Variants in CIT observed in about 807,000 individuals in gnomAD.
CIT encodes the protein citron Rho-interacting kinase.
A neutral mutation model predicts 272.7 loss-of-function variants in CIT; 79 were observed. That is an observed-to-expected ratio of 0.29 (90% confidence interval 0.24 to 0.35). The LOEUF is 0.35. CIT is among the 10% of genes least tolerant of loss of function. CIT has a pLI of 1.00. For synonymous variants in CIT, 948 were observed against 995.6 expected (o/e 0.95, Z 0.90); for missense variants, 1,909 against 2,618.3 (o/e 0.73, Z 5.91).
rs933122959 is a variant in CIT at position 119,770,143 on chromosome 12, T to C, written c.2208+642A>G. Among the ~76,000 whole-genome samples, 8 of 152,092 alleles carry C rather than the reference T, an allele frequency of 5.3e-5. No homozygotes were observed. Among genetic ancestry groups the C allele is most frequent in the Non-Finnish European group, 1.2e-4 (8 of 68,026 alleles). ...CTGGCAGGGGCAAAACGTCAACACA[T>C]CTGCAAATACCACCCGAACCTTCCT... On this transcript the variant is annotated intron_variant, in intron 18 of 47. Transcript: ENST00000392521. This position sits in a 1 kb window ranked among gnomAD's most constrained non-coding sequence, Gnocchi z 4.4.
intron 3 of CIT, among the ~76,000 whole-genome samples, chr12:119,863,091 A>T (rs930982069): frequency 1.3e-5 from 2 of 149,490 alleles, no homozygotes; most frequent in African/African-American, 4.9e-5. Flanking sequence ...AGTCCCAGCT[A>T]CTCAGGAGGC....
intron 26 of CIT, among the ~76,000 whole-genome samples, chr12:119,731,813 A>AATATATCTATATATAT (rs1958461948): frequency 7.2e-6 from 1 of 139,130 alleles, no homozygotes; most frequent in African/African-American, 2.8e-5. Context: ...TTCTCTCCTA[A>AATATATCTATATATAT]ATATATATAT....
chr12:119,722,486 C>T (rs1473727750), intron 28 of CIT, among the ~76,000 whole-genome samples: 1 of 152,180 alleles, frequency 6.6e-6, no homozygotes, highest in African/African-American at 2.4e-5. Context: ...CTTTGCTTCT[C>T]TCTACCTCTG....
rs1435702716 is a variant in CIT at position 119,850,174 on chromosome 12, C to T, written c.516G>A (p.Leu172=). Residue 172 remains leucine (L), a splice_region_variant and synonymous_variant, in exon 5 of 48, where the codon CTG becomes CTA. Transcript: ENST00000392521. ...YAFQDKNHLY[L]VMEYQPGGDL... is the part of the protein sequence containing the mutation. ...CAGAGAGACAGATGTAAAGACTCAC[C>T]AGATAAAGGTGATTTTTGTCCTGAA... The T allele has an allele frequency of 6.3e-7, 1 of 1,579,730 alleles. No homozygotes were observed. The highest frequency in any genetic ancestry group is 8.7e-7 in the Non-Finnish European group (1 of 1,149,050).
At chr12:119,851,761 G>C (rs1477675350) in intron 4 of CIT, among the ~76,000 whole-genome samples, 5 of 152,222 alleles carry the variant, frequency 3.3e-5, no homozygotes, top group African/African-American at 1.2e-4. Flanking sequence ...AGGAGGCTGG[G>C]TGCAGTGGCT....
intron 19 of CIT, among the ~76,000 whole-genome samples, chr12:119,762,127 G>A (rs1961880876): frequency 6.6e-6 from 1 of 152,306 alleles, no homozygotes; most frequent in Non-Finnish European, 1.5e-5. Context: ...TGAAAGGACT[G>A]TCACAGCTCA....
At chr12:119,858,059 G>A (rs1222695101) in intron 3 of CIT, among the ~76,000 whole-genome samples, 1 of 152,200 alleles carries the variant, frequency 6.6e-6, no homozygotes, top group Non-Finnish European at 1.5e-5. Context: ...GGTTTACAGT[G>A]TGACATAGTC....
chr12:119,719,902 C>T (rs1957738863), intron 30 of CIT, among the ~76,000 whole-genome samples: 2 of 152,128 alleles, frequency 1.3e-5, no homozygotes, highest in Admixed American at 6.5e-5. Context: ...ATAACCCTGC[C>T]CCTAGTTTGT....
chr12:119,868,776 G>A (rs1308398353), intron 3 of CIT, among the ~76,000 whole-genome samples: 2 of 152,156 alleles, frequency 1.3e-5, no homozygotes, highest in East Asian at 1.9e-4. Context: ...GGGCTCAAGC[G>A]ATTCACCCAC....
chr12:119,752,347 C>T, intron 22 of CIT, 100 bp from the exon 23 acceptor site: 3 of 1,170,506 alleles, frequency 2.6e-6, no homozygotes, highest in Non-Finnish European at 3.5e-6. Flanking sequence ...GCAGCTGAAA[C>T]CTGGTCTTGG....
At chr12:119,787,465 C>T (rs1964896601) in intron 10 of CIT, among the ~76,000 whole-genome samples, 1 of 151,050 alleles carries the variant, frequency 6.6e-6, no homozygotes, top group East Asian at 1.9e-4. Flanking sequence ...GGCGCGGTGG[C>T]TGATGCCTGT....
intron 19 of CIT, among the ~76,000 whole-genome samples, chr12:119,761,678 T>C (rs953332338): frequency 1.3e-5 from 2 of 151,730 alleles, no homozygotes; most frequent in African/African-American, 4.8e-5. Flanking sequence ...AAGAAAAAAA[T>C]GCCTCTTTCC....
chr12:119,756,451 C>T (rs1303393476), intron 22 of CIT, among the ~76,000 whole-genome samples: 2 of 152,138 alleles, frequency 1.3e-5, no homozygotes, highest in East Asian at 1.9e-4. Flanking sequence ...ATAAAGGATT[C>T]GGTCTGTGGC....
chr12:119,844,393 T>A (rs1394080297), intron 5 of CIT, among the ~76,000 whole-genome samples: 1 of 152,108 alleles, frequency 6.6e-6, no homozygotes, highest in Admixed American at 6.6e-5. Flanking sequence ...AACACACTCA[T>A]AATTTTATAG....
rs1044407307 is a variant in CIT, at chr12:119,784,259, C to A, written c.1402-208G>T. ...TCACCAAATGCTAAGTCACTCCTCT[C>A]ATTCAAGTCCCGGTTCACACTTGAT... is the stretch of plus-strand genomic sequence containing the variant. On this transcript the variant is annotated intron_variant, in intron 11 of 47. Transcript: ENST00000392521. This position sits in a 1 kb window ranked among gnomAD's most constrained non-coding sequence, Gnocchi z 4.7. The A allele has an allele frequency of 6.3e-7, 1 of 1,581,282 alleles. No homozygotes were observed. The highest frequency in any genetic ancestry group is 8.6e-7 in the Non-Finnish European group (1 of 1,160,236).
In CIT at chr12:119,761,465, G is replaced by A. The variant is rs79359482; in HGVS notation, c.2305-410C>T. Among the ~76,000 whole-genome samples the A allele has an allele frequency of 1.6e-3, 251 of 152,240 alleles. 1 individual carries two copies. Among genetic ancestry groups the A allele is most frequent in the African/African-American group, 5.6e-3 (234 of 41,530 alleles). ...CAACTTTTTCTTCGCCAGTGCACCCGTAGTTTTCAGAATATTCCTCACTCC... is the reference window on the plus strand; with the variant it reads ...CAACTTTTTCTTCGCCAGTGCACCCATAGTTTTCAGAATATTCCTCACTCC... On this transcript the variant is annotated intron_variant, in intron 19 of 47. Coordinates refer to ENST00000392521, the MANE Select transcript of CIT (RefSeq NM_001206999.2).
At chr12:119,714,096 G>T in intron 33 of CIT, 101 bp downstream of exon 33, 1 of 1,347,016 alleles carries the variant, frequency 7.4e-7, no homozygotes, top group Non-Finnish European at 1.0e-6. Context: ...GAAAATGAAT[G>T]CACTATATGA....
chr12:119,746,518 A>C (rs1322327928), intron 23 of CIT, among the ~76,000 whole-genome samples: 1 of 152,228 alleles, frequency 6.6e-6, no homozygotes, highest in Non-Finnish European at 1.5e-5. Flanking sequence ...ATAAGTGGTG[A>C]CCATAAAAAA....
chr12:119,730,234 C>T (rs1405221514), intron 27 of CIT, among the ~76,000 whole-genome samples: 3 of 151,894 alleles, frequency 2.0e-5, no homozygotes, highest in South Asian at 2.1e-4. Context: ...GATCAAAATT[C>T]GAACTTCAAG....
Sources: gnomAD v4.1 joint callset for allele counts (sites outside exome capture counted in the v4.1 genomes callset) on GRCh38, gnomAD v4.1.1 for gene constraint, Gnocchi (gnomAD v3.1) non-coding constraint, MANE v1.5 for transcripts, NCBI Gene and HGNC (gene_info 2026-07-23, HGNC 2026-07-21) for gene names.